Variants in BTN3A1 observed in about 807,000 individuals in gnomAD.
BTN3A1 encodes dJ45P21.3 (butyrophilin, subfamily 3, member A1).
A neutral mutation model predicts 43.0 loss-of-function variants in BTN3A1; 24 were observed. That is an observed-to-expected ratio of 0.56 (90% confidence interval 0.40 to 0.78). BTN3A1 has a LOEUF of 0.78. Among genes scored for constraint, BTN3A1 ranks in the 30% least tolerant of loss-of-function variants. The pLI, the probability that BTN3A1 is intolerant of heterozygous loss-of-function variation, is 0.00. For synonymous variants in BTN3A1, 181 were observed against 234.7 expected (o/e 0.77, Z 2.09); for missense variants, 533 against 626.2 (o/e 0.85, Z 1.59).
At chr6:26,408,798 C>T (rs774153663) in intron 4 of BTN3A1, among the ~76,000 whole-genome samples, 11 of 152,166 alleles carry the variant, frequency 7.2e-5, no homozygotes, top group Non-Finnish European at 1.6e-4. Context: ...AGATAATTCT[C>T]TCTATAGTGA....
At chr6:26,413,056 A>G (rs1762273108) in intron 9 of BTN3A1, 113 bp from the exon 10 acceptor site, 3 of 1,520,222 alleles carry the variant, frequency 2.0e-6, no homozygotes, top group Admixed American at 4.6e-5. Flanking sequence ...CAGACTAGGG[A>G]CACCAGGCTT....
At chr6:26,412,405 C>CCAA (rs1762250421) in intron 9 of BTN3A1, 1 of 905,608 alleles carries the variant, frequency 1.1e-6, no homozygotes, top group Non-Finnish European at 1.8e-6. Flanking sequence ...TTCCAATCTC[C>CCAA]TATCAGGGCC....
intron 3 of BTN3A1, 138 bp from the exon 4 acceptor site, chr6:26,407,533 C>A: frequency 9.0e-7 from 1 of 1,111,022 alleles, no homozygotes; most frequent in Non-Finnish European, 1.3e-6. Context: ...GCTTTCTCCT[C>A]ACTAGGACCA....
intron 9 of BTN3A1, chr6:26,412,378 C>A (rs1045814375): frequency 1.5e-5 from 12 of 780,768 alleles, no homozygotes; most frequent in African/African-American, 5.2e-5. Flanking sequence ...AACGGTGTGT[C>A]TCTCCTTTCT....
At chr6:26,411,971 G>A (rs1221454620) in intron 9 of BTN3A1, 4 of 231,184 alleles carry the variant, frequency 1.7e-5, no homozygotes, top group South Asian at 2.2e-4. Context: ...CCTACTGTCA[G>A]TGCCTTCTCA....
chr6:26,412,788 T>C, intron 9 of BTN3A1: 1 of 1,551,400 alleles, frequency 6.4e-7, no homozygotes, highest in Non-Finnish European at 8.7e-7. Context: ...GGGGAACTCA[T>C]TTAGCTCATG....
chr6:26,413,514 A>G lies in BTN3A1; in HGVS notation c.1364A>G (p.Lys455Arg), dbSNP rs1762292969. ...TEPRTNLKLP[K>R]PPKKVGVFLD... ...CCCAGAACCAACCTGAAACTTCCTA[A>G]GCCCCCTAAGAAAGTGGGGGTCTTC... The change falls in exon 10 of 10, where the codon AAG (lysine) becomes AGG (arginine). Residue 455 changes from lysine (K) to arginine (R), a missense_variant. This residue lies in a region of BTN3A1 where 415 missense variants were observed against 427.0 expected (regional missense o/e 0.97). Transcript: ENST00000289361. 1 of 1,614,020 alleles carries G rather than the reference A, an allele frequency of 6.2e-7. No homozygotes were observed. Among genetic ancestry groups the G allele is most frequent in the African/African-American group, 1.3e-5 (1 of 74,896 alleles).
chr6:26,410,616 T>A (rs1762176268), intron 7 of BTN3A1, among the ~76,000 whole-genome samples: 1 of 152,066 alleles, frequency 6.6e-6, no homozygotes, highest in Admixed American at 6.6e-5. Flanking sequence ...CAAACACTAG[T>A]CCCTGAAATT....
chr6:26,411,190 A>G, intron 8 of BTN3A1, 55 bp downstream of exon 8: 1 of 1,580,232 alleles, frequency 6.3e-7, no homozygotes, highest in Non-Finnish European at 8.6e-7. Flanking sequence ...TGAACATTTC[A>G]ACCTTTTCTC....
chr6:26,412,132 G>A (rs147340110), intron 9 of BTN3A1: 103 of 353,832 alleles, frequency 2.9e-4, no homozygotes, highest in African/African-American at 1.9e-3. Flanking sequence ...AAACTGCGTG[G>A]TTGAAGGTTT....
In BTN3A1 at chr6:26,407,940, A is replaced by G. The variant is rs777508118; in HGVS notation, c.703A>G (p.Ile235Val). ...SLLGLEKTAS[I>V]SIADPFFRSA... ...CCTCGGCCTGGAAAAGACAGCCAGC[A>G]TTTCCATCGCAGGTCAGTACCTGCT... The change falls in exon 4 of 10, where the codon ATT becomes GTT. Residue 235 changes from isoleucine to valine, a missense_variant. By Grantham distance (29) the Ile-to-Val change is conservative (BLOSUM62 3). Transcript: ENST00000289361. The G allele has an allele frequency of 3.7e-6, 6 of 1,614,128 alleles. No homozygotes were observed. In the East Asian group the frequency reaches 1.1e-4, roughly 30 times the overall value.
chr6:26,410,196 A>C (rs1446846525), intron 7 of BTN3A1, among the ~76,000 whole-genome samples, 164 bp downstream of exon 7: 1 of 152,016 alleles, frequency 6.6e-6, no homozygotes, highest in Non-Finnish European at 1.5e-5. Context: ...AAAAAGAAAA[A>C]AAAAAAAAGG....
At chr6:26,411,212 A>G in intron 8 of BTN3A1, 77 bp downstream of exon 8, 1 of 1,515,952 alleles carries the variant, frequency 6.6e-7, no homozygotes, top group Non-Finnish European at 9.0e-7. Context: ...GCTGTGACCC[A>G]TTGATGTTCT....
In BTN3A1 at chr6:26,407,946, A is replaced by G. The variant is rs779021158; in HGVS notation, c.709A>G (p.Ile237Val). The change falls in exon 4 of 10, where the codon ATC becomes GTC. Residue 237 changes from isoleucine (I) to valine (V), a missense_variant. Ile to Val is a conservative substitution (Grantham distance 29, BLOSUM62 3). Coordinates refer to ENST00000289361, the MANE Select transcript of BTN3A1 (RefSeq NM_007048.6). ...CCTGGAAAAGACAGCCAGCATTTCC[A>G]TCGCAGGTCAGTACCTGCTTGGCCT... ...LGLEKTASIS[I>V]ADPFFRSAQR... 1.2e-6 allele frequency: 2 copies of G among 1,614,160 alleles called. No homozygotes were observed. The highest frequency in any genetic ancestry group is 1.7e-6 in the Non-Finnish European group (2 of 1,179,984).
rs1201300632 is a variant in BTN3A1, at chr6:26,409,935, A to C, written c.937+21A>C. The C allele has an allele frequency of 1.9e-6, 3 of 1,614,092 alleles. No homozygotes were observed. The African/African-American group carries it at 4.0e-5, about 22-fold the overall frequency. ...ACTCAGTAAGTTCCCATTCCCCCAG[A>C]GACCCAGGCATGTCTTCCTGTCCCT... On this transcript the variant is annotated intron_variant, in intron 6 of 9. Transcript: ENST00000289361.
intron 1 of BTN3A1, among the ~76,000 whole-genome samples, chr6:26,403,188 C>T (rs1761907228): frequency 6.6e-6 from 1 of 152,132 alleles, no homozygotes; most frequent in Non-Finnish European, 1.5e-5. Context: ...GCCTCAGTCT[C>T]CTGGGTAGCT....
At position 26,414,091 on chromosome 6, in the gene BTN3A1, G is replaced by A; in HGVS notation, c.*399G>A. On this transcript the variant is annotated 3_prime_UTR_variant, in exon 10 of 10. Coordinates refer to ENST00000289361, the MANE Select transcript of BTN3A1 (RefSeq NM_007048.6). ...TAATGGAGAACTTAAAATGCTCTGA[G>A]TGCTGTGTTATGAGCTTTGGTGGAT... 7.0e-6 allele frequency: 2 copies of A among 285,586 alleles called. No homozygotes were observed. The highest frequency in any genetic ancestry group is 3.6e-5 in the South Asian group (1 of 27,756). 17.7% of individuals were successfully genotyped at this position (285,586 alleles called of 1,614,324 possible).
chr6:26,402,768 G>T (rs548240136), intron 1 of BTN3A1, among the ~76,000 whole-genome samples: 1 of 152,288 alleles, frequency 6.6e-6, no homozygotes, highest in East Asian at 1.9e-4. Context: ...ATGTAAATTT[G>T]TTCATTACAG....
rs1267593202 is a variant in BTN3A1, at chr6:26,412,269, G to A, written c.1018+688G>A. On this transcript the variant is annotated intron_variant, in intron 9 of 9. Coordinates refer to ENST00000289361, the MANE Select transcript of BTN3A1 (RefSeq NM_007048.6). Reference sequence around the variant, plus strand: ...GAGGGGAGGCAGTTACTGGAACCCAGAATAAGAAGTAGCTCAAAGAGAGGG... The same window carrying A: ...GAGGGGAGGCAGTTACTGGAACCCAAAATAAGAAGTAGCTCAAAGAGAGGG... 6.9e-6 allele frequency: 4 copies of A among 583,644 alleles called. No individual in the cohort carries two copies. In the African/African-American group the frequency reaches 7.5e-5, roughly 11 times the overall value. 36.2% of individuals were successfully genotyped at this position (583,644 alleles called of 1,614,324 possible). A position where few individuals can be genotyped will look rare whatever the true frequency, so the allele number is the denominator to read the frequency against.
Sources: gnomAD v4.1 joint callset for allele counts (sites outside exome capture counted in the v4.1 genomes callset) on GRCh38, gnomAD v4.1.1 for gene constraint, gnomAD v4.1.1 regional missense constraint, MANE v1.5 for transcripts, NCBI Gene and HGNC (gene_info 2026-07-23, HGNC 2026-07-21) for gene names.